The following CDH4 variants were observed in gnomAD, a reference collection of about 807,000 sequenced individuals.
The protein encoded by CDH4 is cadherin 4.
Under a neutral mutation model 86.0 loss-of-function variants are expected in CDH4, and 33 were observed. The ratio of observed to expected loss-of-function variants is 0.38; its 90% CI spans 0.29 to 0.51. The LOEUF (loss-of-function observed/expected upper bound fraction) is 0.51. Ranked by LOEUF, CDH4 falls within the 20% of genes least tolerant of loss-of-function variation. The probability of loss-of-function intolerance (pLI) is 0.86; values close to 1 mark genes in which losing one functional copy is unlikely to be tolerated. For synonymous variants in CDH4, 555 were observed against 549.4 expected (o/e 1.01, Z -0.14); for missense variants, 1,114 against 1,307.4 (o/e 0.85, Z 2.28).
chr20:61,538,883 T>G (rs914980404), intron 2 of CDH4, among the ~76,000 whole-genome samples: 1 of 152,176 alleles, frequency 6.6e-6, no homozygotes, highest in Non-Finnish European at 1.5e-5. Context: ...CTTAGGAGGC[T>G]CTGATGTTTG....
chr20:61,777,347 G>A (rs145129217), intron 4 of CDH4, among the ~76,000 whole-genome samples: 1 of 152,348 alleles, frequency 6.6e-6, no homozygotes, highest in East Asian at 1.9e-4. Flanking sequence ...CCAGCAGTTG[G>A]AATTTGGCAG....
At chr20:61,337,763 G>A in intron 2 of CDH4, among the ~76,000 whole-genome samples, 1 of 152,210 alleles carries the variant, frequency 6.6e-6, no homozygotes, top group East Asian at 1.9e-4. Context: ...TCTTTGAGCT[G>A]TGGTTTCTCC....
At chr20:61,580,483 C>T (rs1423792240) in intron 2 of CDH4, among the ~76,000 whole-genome samples, 4 of 151,448 alleles carry the variant, frequency 2.6e-5, no homozygotes, top group African/African-American at 7.3e-5. Context: ...AAAACCTCTA[C>T]TTTAAAAAAA....
chr20:61,524,670 A>G (rs1055026548), intron 2 of CDH4, among the ~76,000 whole-genome samples: 13 of 152,132 alleles, frequency 8.5e-5, no homozygotes, highest in African/African-American at 2.4e-4. Context: ...TTTTTTGTAC[A>G]GATGGGGTTT....
intron 3 of CDH4, among the ~76,000 whole-genome samples, chr20:61,759,613 G>A (rs1239115366): frequency 1.3e-5 from 2 of 151,936 alleles, no homozygotes; most frequent in African/African-American, 4.8e-5. Flanking sequence ...TAATGACTCT[G>A]GGAAAAAGTA....
intron 3 of CDH4, among the ~76,000 whole-genome samples, chr20:61,755,232 A>G (rs1345123346): frequency 1.3e-5 from 2 of 151,100 alleles, no homozygotes; most frequent in Admixed American, 1.3e-4. Flanking sequence ...ACAATGTAAG[A>G]TGAGATTTGG....
intron 4 of CDH4, among the ~76,000 whole-genome samples, chr20:61,822,285 CGTCTT>C (rs1265839939): frequency 2.0e-5 from 3 of 152,118 alleles, no homozygotes; most frequent in Admixed American, 1.3e-4. Context: ...ATATAATAAC[CGTCTT>C]GTCTTGTGGG....
At chr20:61,903,234 G>A (rs181738203) in intron 8 of CDH4, among the ~76,000 whole-genome samples, 30 of 152,220 alleles carry the variant, frequency 2.0e-4, no homozygotes, top group Non-Finnish European at 3.8e-4. Flanking sequence ...CTGCTCCTCA[G>A]AGGTTAATCT....
At chr20:61,598,682 CT>C (rs1568705039) in intron 2 of CDH4, among the ~76,000 whole-genome samples, 1 of 152,222 alleles carries the variant, frequency 6.6e-6, no homozygotes, top group Non-Finnish European at 1.5e-5. Flanking sequence ...ACTTTGCCGT[CT>C]GTGCCTTAGC....
chr20:61,515,318 G>C (rs1005156932), intron 2 of CDH4, among the ~76,000 whole-genome samples: 5 of 152,224 alleles, frequency 3.3e-5, no homozygotes. Context: ...GCAGGTCCCA[G>C]ATTGTCAGAA....
intron 2 of CDH4, among the ~76,000 whole-genome samples, chr20:61,268,253 G>A (rs942550532): frequency 6.6e-6 from 1 of 152,192 alleles, no homozygotes; most frequent in African/African-American, 2.4e-5. Context: ...CATGGATCCC[G>A]AGGAGGGGCT....
intron 2 of CDH4, among the ~76,000 whole-genome samples, chr20:61,400,704 G>A (rs984128069): frequency 1.3e-5 from 2 of 152,162 alleles, no homozygotes; most frequent in African/African-American, 4.8e-5. Flanking sequence ...GTGGGGATGC[G>A]AGAAGCTTCT....
rs546719176 is a variant in CDH4 at position 61,753,666 on chromosome 20, C to T, written c.396+9877C>T. ...TAGCTGCTGCAGCACTGAAAAGTGG[C>T]AATAGGACCTGTGGGTATGGTTTGC... On this transcript the variant is annotated intron_variant, in intron 3 of 15. Coordinates refer to ENST00000614565, the MANE Select transcript of CDH4 (RefSeq NM_001794.5). 2.0e-5 allele frequency among the ~76,000 whole-genome samples: 3 copies of T among 152,282 alleles called. No individual in the cohort carries two copies. The East Asian group carries it at 5.8e-4, about 29-fold the overall frequency.
chr20:61,532,436 C>G (rs1035678918), intron 2 of CDH4, among the ~76,000 whole-genome samples: 1 of 152,170 alleles, frequency 6.6e-6, no homozygotes, highest in Non-Finnish European at 1.5e-5. Context: ...TTTCAGAACT[C>G]AGAGACCCTG....
At chr20:61,533,405 G>A (rs745973341) in intron 2 of CDH4, among the ~76,000 whole-genome samples, 3 of 152,212 alleles carry the variant, frequency 2.0e-5, no homozygotes, top group Non-Finnish European at 2.9e-5. Context: ...AAGCTGCGTC[G>A]CCCAAGTCCT....
At chr20:61,823,136 C>T (rs1327188027) in intron 4 of CDH4, among the ~76,000 whole-genome samples, 1 of 151,936 alleles carries the variant, frequency 6.6e-6, no homozygotes, top group Non-Finnish European at 1.5e-5. Context: ...TCTATTCAGG[C>T]CTTTGACTGA....
At chr20:61,474,977 A>C (rs2085526376) in intron 2 of CDH4, among the ~76,000 whole-genome samples, 1 of 152,228 alleles carries the variant, frequency 6.6e-6, no homozygotes, top group African/African-American at 2.4e-5. Flanking sequence ...ATTTACTTTC[A>C]GTATCTGAAA....
At chr20:61,898,815 T>C (rs1985249215) in intron 8 of CDH4, among the ~76,000 whole-genome samples, 1 of 152,174 alleles carries the variant, frequency 6.6e-6, no homozygotes, top group Admixed American at 6.5e-5. Flanking sequence ...TTCAGCAATA[T>C]AAATCTGCTC....
chr20:61,932,693 CACG>C (rs1236812058), intron 13 of CDH4, among the ~76,000 whole-genome samples: 1 of 152,164 alleles, frequency 6.6e-6, no homozygotes, highest in Non-Finnish European at 1.5e-5. Context: ...CACCTACATC[CACG>C]ACTCCTGCGG....
Sources: allele counts gnomAD v4.1 joint callset (sites outside exome capture counted in the v4.1 genomes callset), GRCh38; gene constraint gnomAD v4.1.1; transcripts MANE v1.5; gene names NCBI Gene and HGNC (gene_info 2026-07-23, HGNC 2026-07-21).